Variants in ARHGAP28 observed in about 807,000 individuals in gnomAD.
The protein encoded by ARHGAP28 is rho GTPase-activating protein 28.
In ARHGAP28, 56 loss-of-function variants were observed where a neutral mutation model predicts 90.7. That is an observed-to-expected ratio of 0.62 (90% CI 0.50 to 0.77). The LOEUF (loss-of-function observed/expected upper bound fraction) is 0.77, where lower values mean the gene tolerates loss of function less well. Among genes scored for constraint, ARHGAP28 ranks in the 30% least tolerant of loss-of-function variants. The pLI, the probability that ARHGAP28 is intolerant of heterozygous loss-of-function variation, is 0.00. For synonymous variants in ARHGAP28, 308 were observed against 323.3 expected (o/e 0.95, Z 0.51); for missense variants, 869 against 900.9 (o/e 0.96, Z 0.45).
rs2057306094 is a variant in ARHGAP28 at position 6,896,538 on chromosome 18, C to T, written c.1942C>T (p.Pro648Ser). The T allele has an allele frequency of 1.2e-6, 2 of 1,614,028 alleles. No homozygotes were observed. Among genetic ancestry groups the T allele is most frequent in the South Asian group, 1.1e-5 (1 of 91,080 alleles). ...VPEGVIRVHA[P>S]LLSKVSMAIQ... ...GGAAGGAGTCATACGGGTCCATGCTCCACTTCTCTCCAAGGTGTCCATGGC... is the reference window on the plus strand; with the variant it reads ...GGAAGGAGTCATACGGGTCCATGCTTCACTTCTCTCCAAGGTGTCCATGGC... Residue 648 changes from proline to serine, a missense_variant, in exon 16 of 18, where the codon CCA (proline) becomes TCA (serine). By Grantham distance (74) the Pro-to-Ser change is moderately conservative. Transcript: ENST00000383472.
intron 1 of ARHGAP28, among the ~76,000 whole-genome samples, chr18:6,752,605 G>T (rs1600151972): frequency 6.6e-6 from 1 of 152,260 alleles, no homozygotes; most frequent in South Asian, 2.1e-4. Flanking sequence ...ACCACGAAGT[G>T]CTAAATCCAC....
intron 1 of ARHGAP28, among the ~76,000 whole-genome samples, chr18:6,771,787 C>A (rs1009956328): frequency 6.6e-6 from 1 of 152,288 alleles, no homozygotes; most frequent in South Asian, 2.1e-4. Flanking sequence ...ATCTTAAAAA[C>A]CACAAGAGAA....
At chr18:6,841,610 G>C (rs1240690121) in intron 3 of ARHGAP28, among the ~76,000 whole-genome samples, 1 of 151,332 alleles carries the variant, frequency 6.6e-6, no homozygotes. Context: ...TTTGCACATA[G>C]AATCCCATGC....
At chr18:6,868,794 A>T (rs1170936745) in intron 6 of ARHGAP28, among the ~76,000 whole-genome samples, 1 of 152,048 alleles carries the variant, frequency 6.6e-6, no homozygotes, top group Non-Finnish European at 1.5e-5. Context: ...TAAATAATGG[A>T]TCCTGTGCTT....
chr18:6,804,414 T>A (rs1270347386), intron 1 of ARHGAP28, among the ~76,000 whole-genome samples: 1 of 152,152 alleles, frequency 6.6e-6, no homozygotes, highest in East Asian at 1.9e-4. Flanking sequence ...TTCTTTTTTT[T>A]TCTGTTTTCT....
At chr18:6,873,610 CT>C in intron 8 of ARHGAP28, 36 bp downstream of exon 8, 1 of 1,610,036 alleles carries the variant, frequency 6.2e-7, no homozygotes, top group Non-Finnish European at 8.5e-7. Flanking sequence ...GGCTTTAACA[CT>C]TTGACACAGT....
chr18:6,909,521 G>T (rs112344934), intron 17 of ARHGAP28, among the ~76,000 whole-genome samples: 2 of 151,848 alleles, frequency 1.3e-5, no homozygotes, highest in Admixed American at 1.3e-4. Flanking sequence ...TCGAACTCCT[G>T]ACCTCAAGTG....
chr18:6,861,311 C>T (rs145602509), intron 5 of ARHGAP28, among the ~76,000 whole-genome samples: 1 of 152,298 alleles, frequency 6.6e-6, no homozygotes, highest in African/African-American at 2.4e-5. Flanking sequence ...TTTCTGCTCC[C>T]CTCCTGTCTT....
At position 6,912,297 on chromosome 18, in the gene ARHGAP28, C is replaced by T; in HGVS notation, c.*143C>T. The stretch of plus-strand genomic sequence containing the variant: ...GGCCCTCAGCAGTGGGCATTGTAAG[C>T]ATGAACTATGGAAGAGGCGCCGGTT... On this transcript the variant is annotated 3_prime_UTR_variant, in exon 18 of 18. Transcript: ENST00000383472. The T allele has an allele frequency of 6.5e-6, 3 of 460,560 alleles. No individual in the cohort carries two copies. The highest frequency in any genetic ancestry group is 5.0e-5 in the South Asian group (1 of 20,174). The allele number at this position is 460,560 out of a possible 1,614,324, so 28.5% of individuals were successfully genotyped here.
intron 3 of ARHGAP28, among the ~76,000 whole-genome samples, chr18:6,847,525 A>G (rs919131852): frequency 6.6e-6 from 1 of 152,136 alleles, no homozygotes; most frequent in African/African-American, 2.4e-5. Flanking sequence ...GCAGAGGCCA[A>G]TAAGGTCTGA....
At chr18:6,885,232 C>A (rs746380822) in intron 11 of ARHGAP28, among the ~76,000 whole-genome samples, 1 of 152,170 alleles carries the variant, frequency 6.6e-6, no homozygotes, top group Non-Finnish European at 1.5e-5. Flanking sequence ...TACTATATTG[C>A]AGGTGGTTGA....
intron 4 of ARHGAP28, among the ~76,000 whole-genome samples, chr18:6,855,514 T>A (rs917573334): frequency 6.6e-5 from 10 of 152,212 alleles, no homozygotes; most frequent in African/African-American, 2.4e-4. Flanking sequence ...GAAGCTCCTC[T>A]CTGTCTTGCT....
chr18:6,868,189 A>G lies in ARHGAP28; in HGVS notation c.766A>G (p.Asn256Asp), dbSNP rs1488157391. Reference protein sequence around the residue: ...ETIPVLPVHSNGSPEPGQPVQ... With the variant: ...ETIPVLPVHSDGSPEPGQPVQ... The stretch of plus-strand genomic sequence containing the variant: ...CATTCCAGTTCTACCAGTTCATTCC[A>G]ATGGATCACCGGAGCCTGGACAGCC... Residue 256 changes from asparagine (N) to aspartate (D), a missense_variant, in exon 6 of 18, where the codon AAT (asparagine) becomes GAT (aspartate). By Grantham distance (23) the Asn-to-Asp change is conservative. Transcript: ENST00000383472. 4 of 1,614,156 alleles carry G rather than the reference A, an allele frequency of 2.5e-6. No homozygotes were observed. The South Asian group carries it at 4.4e-5, about 18-fold the overall frequency.
At chr18:6,804,529 G>T (rs2056504724) in intron 1 of ARHGAP28, among the ~76,000 whole-genome samples, 1 of 152,044 alleles carries the variant, frequency 6.6e-6, no homozygotes. Context: ...TGAAGTCATT[G>T]CTTGGACATT....
chr18:6,876,762 T>A (rs1003149341), intron 10 of ARHGAP28, among the ~76,000 whole-genome samples: 1 of 152,334 alleles, frequency 6.6e-6, no homozygotes, highest in South Asian at 2.1e-4. Flanking sequence ...CAAAACCCAG[T>A]TCCACTTACA....
chr18:6,830,332 T>TTTA (rs911237304), intron 2 of ARHGAP28, among the ~76,000 whole-genome samples: 1 of 152,178 alleles, frequency 6.6e-6, no homozygotes, highest in Non-Finnish European at 1.5e-5. Flanking sequence ...CTATTCTTTT[T>TTTA]TTATTATTAT....
In ARHGAP28 at chr18:6,890,529, A is replaced by G; in HGVS notation, c.1834A>G (p.Thr612Ala). The G allele has an allele frequency of 6.2e-7, 1 of 1,608,944 alleles. No homozygotes were observed. The highest frequency in any genetic ancestry group is 8.5e-7 in the Non-Finnish European group (1 of 1,177,880). The change falls in exon 14 of 18, where the codon ACC (threonine) becomes GCC (alanine). Residue 612 changes from threonine (T) to alanine (A), a missense_variant. Transcript: ENST00000383472. The part of the protein sequence containing the change: ...PSVRKLLRRK[T>A]LERETASPKT... ...TGTCAGGAAGCTGCTCAGGAGGAAGACCCTCGAGCGGGAGGTAAGACAGCA... is the reference window on the plus strand; with the variant it reads ...TGTCAGGAAGCTGCTCAGGAGGAAGGCCCTCGAGCGGGAGGTAAGACAGCA...
chr18:6,887,566 G>A (rs755852597), intron 12 of ARHGAP28, among the ~76,000 whole-genome samples: 7 of 152,022 alleles, frequency 4.6e-5, no homozygotes, highest in Non-Finnish European at 7.4e-5. Context: ...AAGTAGCTGG[G>A]ACTACAGGTA....
intron 10 of ARHGAP28, 98 bp downstream of exon 10, chr18:6,876,306 G>C: frequency 1.1e-6 from 1 of 904,858 alleles, no homozygotes; most frequent in South Asian, 1.4e-5. Flanking sequence ...TTGTTTATTA[G>C]ATATTATCAC....
Sources: gnomAD v4.1 joint callset for allele counts (sites outside exome capture counted in the v4.1 genomes callset) on GRCh38, gnomAD v4.1.1 for gene constraint, MANE v1.5 for transcripts, NCBI Gene and HGNC (gene_info 2026-07-23, HGNC 2026-07-21) for gene names.